BRCA2: variants seen among roughly 807,000 people sequenced by gnomAD.
BRCA2 encodes the protein breast cancer type 2 susceptibility protein.
Under a neutral mutation model 276.7 loss-of-function variants are expected in BRCA2, and 203 were observed. That is an observed-to-expected ratio of 0.73 (90% CI 0.65 to 0.82). The LOEUF (loss-of-function observed/expected upper bound fraction) is 0.82, where lower values mean the gene tolerates loss of function less well. Among genes scored for constraint, BRCA2 ranks in the 40% least tolerant of loss-of-function variants. BRCA2 has a pLI of 0.00. For synonymous variants in BRCA2, 1,289 were observed against 1,338.4 expected (o/e 0.96, Z 0.81); for missense variants, 3,920 against 3,915.0 (o/e 1.00, Z -0.03).
At chr13:32,350,256 C>T (rs1168874851) in intron 13 of BRCA2, among the ~76,000 whole-genome samples, 1 of 151,826 alleles carries the variant, frequency 6.6e-6, no homozygotes, top group Non-Finnish European at 1.5e-5. Context: ...TTAATGAAAA[C>T]AACTTAGAAG....
intron 16 of BRCA2, 143 bp downstream of exon 16, chr13:32,358,072 C>A: frequency 1.2e-6 from 1 of 853,172 alleles, no homozygotes; most frequent in Non-Finnish European, 1.8e-6. Context: ...TATGGTTAAG[C>A]ATTCTGTAGA....
At chr13:32,380,590 G>C (rs1475231527) in intron 24 of BRCA2, among the ~76,000 whole-genome samples, 1 of 146,030 alleles carries the variant, frequency 6.8e-6, no homozygotes, top group Non-Finnish European at 1.5e-5. Context: ...GCCCAGGCTG[G>C]AGTGCAGTGG....
Position 32,332,409 on chromosome 13 carries a change from T to C in BRCA2, c.931T>C (p.Cys311Arg), listed in dbSNP as rs61754140. Residue 311 changes from cysteine to arginine, a missense_variant, in exon 10 of 27, where the codon TGT becomes CGT. Cys to Arg is a radical substitution (Grantham distance 180, BLOSUM62 -3). This residue lies in a region of BRCA2 where 3,263 missense variants were observed against 3,156.9 expected (regional missense o/e 1.03). Coordinates refer to ENST00000380152, the MANE Select transcript of BRCA2 (RefSeq NM_000059.4). ...CTCTGAAGAAGATAGTTTTTCATTA[T>C]GTTTTTCTAAATGTAGAACAAAAAA... ...DTSEEDSFSL[C>R]FSKCRTKNLQ... The C allele has an allele frequency of 2.5e-6, 4 of 1,591,908 alleles. No individual in the cohort carries two copies. The highest frequency in any genetic ancestry group is 2.7e-5 in the African/African-American group (2 of 73,672).
At chr13:32,388,666 CT>C (rs66813254) in intron 24 of BRCA2, among the ~76,000 whole-genome samples, 27 of 146,242 alleles carry the variant, frequency 1.8e-4, no homozygotes, top group East Asian at 6.0e-4. Flanking sequence ...AATGCATTTT[CT>C]TTTTTTTTTT....
chr13:32,382,063 A>G (rs2072928290), intron 24 of BRCA2, among the ~76,000 whole-genome samples: 1 of 152,208 alleles, frequency 6.6e-6, no homozygotes, highest in South Asian at 2.1e-4. Context: ...TGATGGTTAC[A>G]TAGGAATCTG....
At chr13:32,319,354 A>G (rs754528841) in intron 3 of BRCA2, 29 bp downstream of exon 3, 1 of 1,588,320 alleles carries the variant, frequency 6.3e-7, no homozygotes, top group African/African-American at 1.3e-5. Context: ...TAGACTGGGG[A>G]GAACTACAAA....
chr13:32,354,425 T>A (rs2137554163), intron 13 of BRCA2, among the ~76,000 whole-genome samples: 1 of 152,168 alleles, frequency 6.6e-6, no homozygotes, highest in East Asian at 1.9e-4. Context: ...AAGGGCACTT[T>A]AAAAAAGGTA....
At chr13:32,346,650 T>C (rs11571678) in intron 12 of BRCA2, among the ~76,000 whole-genome samples, 177 bp from the exon 13 acceptor site, 15 of 152,140 alleles carry the variant, frequency 9.9e-5, no homozygotes, top group Non-Finnish European at 1.8e-4. Context: ...ATTTGGTGCA[T>C]AGTCATTATC....
At position 32,343,709 on chromosome 13, in the gene BRCA2, GA is replaced by G. The variant is rs139939339; in HGVS notation, c.6842-839del. Among the ~76,000 whole-genome samples the G allele has an allele frequency of 0.2, 29,413 of 147,822 alleles. 2,987 individuals carry two copies. Among genetic ancestry groups the G allele is most frequent in the African/African-American group, 0.22 (8,815 of 40,382 alleles). On this transcript the variant is annotated intron_variant, in intron 11 of 26. Coordinates refer to ENST00000380152, the MANE Select transcript of BRCA2 (RefSeq NM_000059.4). ...GAAGTATATTGACTTTCCACCTAGG[GA>G]AAAAAAAAACAATAACTCAGACTTG...
chr13:32,340,831 A>G lies in BRCA2; in HGVS notation c.6476A>G (p.Gln2159Arg), dbSNP rs763486267. The change falls in exon 11 of 27, where the codon CAA becomes CGA. Residue 2159 changes from glutamine to arginine, a missense_variant. Physicochemically the swap from Gln to Arg is conservative, Grantham distance 43. Transcript: ENST00000380152. ...GTTTCTCCATATCTCTCTCAATTTC[A>G]ACAAGACAAACAACAGTTGGTATTA... ...IKVSPYLSQF[Q>R]QDKQQLVLGT... The G allele has an allele frequency of 6.3e-7, 1 of 1,590,168 alleles. No homozygotes were observed.
chr13:32,317,363 G>A (rs1251307438), intron 2 of BRCA2, among the ~76,000 whole-genome samples: 9 of 152,056 alleles, frequency 5.9e-5, no homozygotes, highest in Admixed American at 1.3e-4. Flanking sequence ...TTAATGTCTG[G>A]CTAAATAGAG....
At chr13:32,392,221 C>T (rs1050166201) in intron 24 of BRCA2, among the ~76,000 whole-genome samples, 3 of 152,066 alleles carry the variant, frequency 2.0e-5, no homozygotes, top group Non-Finnish European at 4.4e-5. Context: ...ATTTCCATTC[C>T]CTGTTATTTA....
chr13:32,375,046 A>G (rs185886329), intron 20 of BRCA2, among the ~76,000 whole-genome samples: 173 of 152,388 alleles, frequency 1.1e-3, no homozygotes, highest in African/African-American at 3.9e-3. Flanking sequence ...ACAAGGTGGC[A>G]GGAAAGAGAG....
chr13:32,319,034 CT>C (rs2072283256), intron 2 of BRCA2, 42 bp from the exon 3 acceptor site: 1 of 1,606,820 alleles, frequency 6.2e-7, no homozygotes, highest in South Asian at 1.1e-5. Flanking sequence ...ACAAATTTGT[CT>C]GTCACTGGTT....
In BRCA2 at chr13:32,395,084, A is replaced by C. The variant is rs150954809; in HGVS notation, c.9501+151A>C. Reference sequence around the variant, plus strand: ...ATATTAATTGCCCATGAACCTCAGGAGATGGGGGAATGGGGAAATGACAGC... The same window carrying C: ...ATATTAATTGCCCATGAACCTCAGGCGATGGGGGAATGGGGAAATGACAGC... On this transcript the variant is annotated intron_variant, in intron 25 of 26. Coordinates refer to ENST00000380152, the MANE Select transcript of BRCA2 (RefSeq NM_000059.4). The C allele has an allele frequency of 7.8e-5, 83 of 1,065,138 alleles. No homozygotes were observed. In the African/African-American group the frequency reaches 1.2e-3, roughly 15 times the overall value. 66.0% of individuals were successfully genotyped at this position (1,065,138 alleles called of 1,614,324 possible).
At chr13:32,383,651 G>C (rs1015106391) in intron 24 of BRCA2, among the ~76,000 whole-genome samples, 2 of 152,184 alleles carry the variant, frequency 1.3e-5, no homozygotes, top group Non-Finnish European at 2.9e-5. Flanking sequence ...TATGCAAAAG[G>C]AGGATTTAAA....
chr13:32,321,173 A>G (rs568118574), intron 3 of BRCA2, among the ~76,000 whole-genome samples: 1 of 152,356 alleles, frequency 6.6e-6, no homozygotes, highest in East Asian at 1.9e-4. Flanking sequence ...AGGGCAAAGC[A>G]TATGCAGAAC....
chr13:32,333,030 G>C lies in BRCA2; in HGVS notation c.1552G>C (p.Ala518Pro), dbSNP rs80358440. 1 of 1,596,208 alleles carries C rather than the reference G, an allele frequency of 6.3e-7. No individual in the cohort carries two copies. The highest frequency in any genetic ancestry group is 8.5e-7 in the Non-Finnish European group (1 of 1,175,448). ...AGAATCACCTAAAGAGACTTTCAAT[G>C]CAAGTTTTTCAGGTCATATGACTGA... ...IRESPKETFN[A>P]SFSGHMTDPN... The change falls in exon 10 of 27, where the codon GCA becomes CCA. Residue 518 changes from alanine (A) to proline (P), a missense_variant. Ala to Pro is a conservative substitution (Grantham distance 27). Transcript: ENST00000380152.
At position 32,398,251 on chromosome 13, in the gene BRCA2, C is replaced by G. The variant is rs80359811; in HGVS notation, c.9738C>G (p.Ala3246=). Residue 3246 remains alanine, a synonymous_variant, in exon 27 of 27, where the codon GCC becomes GCG. Transcript: ENST00000380152. ...KRKSVSTPVS[A]QMTSKSCKGE... is the part of the protein sequence containing the mutation. ...AGTCTGTTTCCACACCTGTCTCAGC[C>G]CAGATGACTTCAAAGTCTTGTAAAG... The G allele has an allele frequency of 1.9e-6, 3 of 1,614,042 alleles. No homozygotes were observed. The Admixed American group carries it at 5.0e-5, about 27-fold the overall frequency.
Sources: gnomAD v4.1 joint callset for allele counts (sites outside exome capture counted in the v4.1 genomes callset) on GRCh38, gnomAD v4.1.1 for gene constraint, gnomAD v4.1.1 regional missense constraint, MANE v1.5 for transcripts, NCBI Gene and HGNC (gene_info 2026-07-23, HGNC 2026-07-21) for gene names.